Variants in JAZF1 observed in about 807,000 individuals in gnomAD.
JAZF1 encodes the protein JAZF zinc finger 1.
JAZF1 carries 8 observed loss-of-function variants against 26.4 expected under a neutral mutation model. That is an observed-to-expected ratio of 0.30 (90% CI 0.18 to 0.55). The LOEUF is 0.55. JAZF1 is among the 20% of genes least tolerant of loss of function. The pLI, the probability that JAZF1 is intolerant of heterozygous loss-of-function variation, is 0.94. For missense variants in JAZF1, 199 were observed against 322.0 expected (o/e 0.62, Z 2.92); for synonymous variants, 126 against 122.3 (o/e 1.03, Z -0.20).
At chr7:27,836,527 T>C (rs1193269362) in intron 4 of JAZF1, among the ~76,000 whole-genome samples, 1 of 152,228 alleles carries the variant, frequency 6.6e-6, no homozygotes, top group Non-Finnish European at 1.5e-5. Context: ...CATGTGACGC[T>C]TGCCCTAGAT....
At chr7:27,896,477 A>G (rs1784064618) in intron 2 of JAZF1, among the ~76,000 whole-genome samples, 1 of 152,234 alleles carries the variant, frequency 6.6e-6, no homozygotes, top group Non-Finnish European at 1.5e-5. Context: ...GAAACAGAAC[A>G]TTCCATGCCC....
intron 1 of JAZF1, among the ~76,000 whole-genome samples, chr7:28,006,277 G>A (rs1244773717): frequency 1.3e-5 from 2 of 152,070 alleles, no homozygotes. Flanking sequence ...GCTGAGTCAG[G>A]AGAATTACTT....
At chr7:28,123,540 A>G (rs1289505155) in intron 1 of JAZF1, among the ~76,000 whole-genome samples, 2 of 152,260 alleles carry the variant, frequency 1.3e-5, no homozygotes, top group African/African-American at 2.4e-5. Flanking sequence ...GGGAAAGATT[A>G]GCTGAATGAA....
intron 2 of JAZF1, among the ~76,000 whole-genome samples, chr7:27,956,687 C>A (rs886764086): frequency 6.6e-6 from 1 of 152,142 alleles, no homozygotes; most frequent in African/African-American, 2.4e-5. Context: ...CAGAAAACAC[C>A]AGGCAAGTCA....
At chr7:28,118,591 A>G (rs1784785697) in intron 1 of JAZF1, among the ~76,000 whole-genome samples, 1 of 152,244 alleles carries the variant, frequency 6.6e-6, no homozygotes, top group Non-Finnish European at 1.5e-5. Context: ...TTTTTAAAGT[A>G]AAAATGTGAA....
chr7:28,001,408 A>C (rs1377287618), intron 1 of JAZF1, among the ~76,000 whole-genome samples: 2 of 152,110 alleles, frequency 1.3e-5, no homozygotes, highest in African/African-American at 4.8e-5. Context: ...AAAACCAATA[A>C]TCTAAGACAG....
At chr7:28,120,227 G>C (rs1784817559) in intron 1 of JAZF1, among the ~76,000 whole-genome samples, 1 of 151,240 alleles carries the variant, frequency 6.6e-6, no homozygotes, top group Non-Finnish European at 1.5e-5. Flanking sequence ...TCCCTAATTA[G>C]AGTAAAGGTC....
intron 1 of JAZF1, among the ~76,000 whole-genome samples, chr7:28,180,063 G>A (rs2127957285): frequency 6.9e-6 from 1 of 144,446 alleles, no homozygotes; most frequent in Middle Eastern, 3.6e-3. Context: ...AACTAACTCC[G>A]CGACCCTGCC....
chr7:27,844,189 C>T (rs1447529820), intron 3 of JAZF1: 1 of 152,218 alleles, frequency 6.6e-6, no homozygotes, highest in Non-Finnish European at 1.5e-5. Flanking sequence ...CTGCAGAAAA[C>T]TTTTGAGGCC....
chr7:27,967,974 A>T (rs1785307645), intron 2 of JAZF1, among the ~76,000 whole-genome samples: 1 of 152,244 alleles, frequency 6.6e-6, no homozygotes, highest in African/African-American at 2.4e-5. Context: ...ACTTATAATA[A>T]TATATTAGAA....
chr7:27,946,877 T>C (rs1215279304), intron 2 of JAZF1, among the ~76,000 whole-genome samples: 1 of 152,208 alleles, frequency 6.6e-6, no homozygotes, highest in Non-Finnish European at 1.5e-5. Flanking sequence ...TTTAGTAAAC[T>C]ACGGTGGTCT....
chr7:28,060,137 TTTTAA>T (rs1252455096), intron 1 of JAZF1, among the ~76,000 whole-genome samples: 3 of 152,232 alleles, frequency 2.0e-5, no homozygotes, highest in East Asian at 1.9e-4. Context: ...CCTATCAAGC[TTTTAA>T]TTTAAATTTC....
chr7:28,046,116 A>G (rs1783492240), intron 1 of JAZF1, among the ~76,000 whole-genome samples: 2 of 152,202 alleles, frequency 1.3e-5, no homozygotes, highest in African/African-American at 4.8e-5. Context: ...TGCTTTTGTT[A>G]TATTTGTATC....
intron 1 of JAZF1, among the ~76,000 whole-genome samples, chr7:28,053,371 T>C (rs911862395): frequency 1.3e-5 from 2 of 150,960 alleles, no homozygotes; most frequent in Admixed American, 6.6e-5. Context: ...AGTAATTCTA[T>C]TTTCAGTTTT....
At chr7:28,067,691 C>T (rs1783906322) in intron 1 of JAZF1, among the ~76,000 whole-genome samples, 1 of 152,172 alleles carries the variant, frequency 6.6e-6, no homozygotes, top group South Asian at 2.1e-4. Context: ...ATATTTGAAC[C>T]AAGTAGGGCA....
intron 1 of JAZF1, among the ~76,000 whole-genome samples, chr7:28,180,153 C>A (rs1783617740): frequency 7.0e-6 from 1 of 143,406 alleles, no homozygotes. Context: ...GCCGCAACCC[C>A]GCCGCCCCGC....
intron 3 of JAZF1, among the ~76,000 whole-genome samples, chr7:27,888,775 G>A (rs1292138448): frequency 2.0e-5 from 3 of 152,106 alleles, no homozygotes; most frequent in Non-Finnish European, 4.4e-5. Flanking sequence ...ATCTAAACAA[G>A]AAAACCTAAA....
chr7:28,077,493 A>T (rs1675028974), intron 1 of JAZF1, among the ~76,000 whole-genome samples: 1 of 152,160 alleles, frequency 6.6e-6, no homozygotes, highest in African/African-American at 2.4e-5. Context: ...TAACCACAAA[A>T]AAAGGCTACT....
intron 2 of JAZF1, among the ~76,000 whole-genome samples, chr7:27,963,692 G>A (rs965146567): frequency 6.7e-6 from 1 of 149,418 alleles, no homozygotes. Flanking sequence ...CTCCCGAGTA[G>A]CTGAGACTGT....
Sources: allele counts gnomAD v4.1 joint callset (sites outside exome capture counted in the v4.1 genomes callset), GRCh38; gene constraint gnomAD v4.1.1; transcripts MANE v1.5; gene names NCBI Gene and HGNC (gene_info 2026-07-23, HGNC 2026-07-21).